The following PAX7 variants were observed in gnomAD, a reference collection of about 807,000 sequenced individuals.
PAX7 encodes paired box 7.
A neutral mutation model predicts 50.7 loss-of-function variants in PAX7; 18 were observed. That is an observed-to-expected ratio of 0.36 (90% confidence interval 0.25 to 0.53). PAX7 has a LOEUF of 0.53. Among genes scored for constraint, PAX7 ranks in the 20% least tolerant of loss-of-function variants. The pLI is 0.93. For synonymous variants in PAX7, 310 were observed against 290.4 expected (o/e 1.07, Z -0.69); for missense variants, 644 against 702.9 (o/e 0.92, Z 0.95).
chr1:18,723,698 G>T (rs184375328), intron 7 of PAX7, among the ~76,000 whole-genome samples: 1 of 152,344 alleles, frequency 6.6e-6, no homozygotes, highest in East Asian at 1.9e-4. Flanking sequence ...AAGGCTGGGA[G>T]GTTTCATTGC....
intron 4 of PAX7, among the ~76,000 whole-genome samples, chr1:18,640,008 G>A (rs2088226452): frequency 6.6e-6 from 1 of 151,602 alleles, no homozygotes; most frequent in African/African-American, 2.4e-5. Flanking sequence ...GGAAATCCTG[G>A]GGGTGTCAAA....
intron 7 of PAX7, among the ~76,000 whole-genome samples, chr1:18,715,904 TCC>T (rs1326676376): frequency 6.6e-6 from 1 of 152,040 alleles, no homozygotes; most frequent in African/African-American, 2.4e-5. Context: ...GAATTCATGT[TCC>T]CTCAACACCT....
intron 4 of PAX7, among the ~76,000 whole-genome samples, chr1:18,667,505 C>T (rs1458356466): frequency 6.6e-6 from 1 of 151,902 alleles, no homozygotes; most frequent in Non-Finnish European, 1.5e-5. Flanking sequence ...CGGATCTTTC[C>T]CCAAGAAGCC....
chr1:18,656,208 G>A (rs1446834469), intron 4 of PAX7, among the ~76,000 whole-genome samples: 3 of 152,146 alleles, frequency 2.0e-5, no homozygotes, highest in African/African-American at 7.2e-5. Flanking sequence ...AATGTAAGAG[G>A]CAAGTCCGGG....
intron 7 of PAX7, among the ~76,000 whole-genome samples, chr1:18,730,190 A>G (rs2100393363): frequency 6.6e-6 from 1 of 152,300 alleles, no homozygotes; most frequent in South Asian, 2.1e-4. Flanking sequence ...AGGTAGCTAC[A>G]ATTATCATCA....
In PAX7 at chr1:18,631,012, TG is replaced by T. The variant is rs2088031086; in HGVS notation, c.-590del. 1 of 224,826 alleles carries T rather than the reference TG, an allele frequency of 4.4e-6. No homozygotes were observed. Among genetic ancestry groups the T allele is most frequent in the Non-Finnish European group, 8.9e-6 (1 of 112,754 alleles). 13.9% of individuals were successfully genotyped at this position (224,826 alleles called of 1,614,324 possible). A position where few individuals can be genotyped will look rare whatever the true frequency, so the allele number is the denominator to read the frequency against. On this transcript the variant is annotated 5_prime_UTR_variant, in exon 1 of 9. Transcript: ENST00000420770. Reference sequence around the variant, plus strand: ...TCCTAGGGGACGGGGCTGTGAAAGCTGGTGTGGAGGGAGAAGCGAGTGTGGT... The same window carrying T: ...TCCTAGGGGACGGGGCTGTGAAAGCTGTGTGGAGGGAGAAGCGAGTGTGGT...
chr1:18,675,010 C>T (rs1435212415), intron 4 of PAX7, among the ~76,000 whole-genome samples: 1 of 152,144 alleles, frequency 6.6e-6, no homozygotes, highest in East Asian at 1.9e-4. Flanking sequence ...AGGTGGCTTG[C>T]TTTGCTTAAA....
Position 18,735,617 on chromosome 1 carries a change from G to C in PAX7, c.1156-15G>C. On this transcript the variant is annotated splice_polypyrimidine_tract_variant and intron_variant, in intron 7 of 8. Transcript: ENST00000420770. The surrounding 1 kb of genome is among the most constrained non-coding windows in gnomAD (Gnocchi z 4.0). ...CTGTCCGGTGAGCCTGGCACTAATG[G>C]CCTTTTCCCCACAGGTGATGAGCAT... is the stretch of plus-strand genomic sequence containing the variant. 1.2e-6 allele frequency: 2 copies of C among 1,604,212 alleles called. No individual in the cohort carries two copies. Among genetic ancestry groups the C allele is most frequent in the South Asian group, 2.2e-5 (2 of 90,024 alleles).
intron 4 of PAX7, among the ~76,000 whole-genome samples, chr1:18,654,639 A>C (rs968348773): frequency 1.3e-5 from 2 of 152,198 alleles, no homozygotes; most frequent in African/African-American, 4.8e-5. Flanking sequence ...AGCTTGTACA[A>C]ATTTGCCAGG....
chr1:18,714,040 G>A (rs1051635683), intron 7 of PAX7, among the ~76,000 whole-genome samples: 6 of 152,008 alleles, frequency 3.9e-5, no homozygotes, highest in African/African-American at 9.6e-5. Context: ...GTGAAACCCC[G>A]TCTCTACTAA....
At chr1:18,662,879 T>C (rs1020295100) in intron 4 of PAX7, among the ~76,000 whole-genome samples, 6 of 151,624 alleles carry the variant, frequency 4.0e-5, no homozygotes, top group African/African-American at 1.5e-4. Flanking sequence ...AGCCTGTAAG[T>C]TCTTTATATT....
At chr1:18,663,552 T>A (rs1441814677) in intron 4 of PAX7, among the ~76,000 whole-genome samples, 1 of 152,166 alleles carries the variant, frequency 6.6e-6, no homozygotes, top group Non-Finnish European at 1.5e-5. Flanking sequence ...CCAGCTAATT[T>A]TTATATTTTC....
At position 18,632,675 on chromosome 1, in the gene PAX7, G is replaced by C. The variant is rs1028692204; in HGVS notation, c.85+987G>C. On this transcript the variant is annotated intron_variant, in intron 1 of 8. Coordinates refer to ENST00000420770, the MANE Select transcript of PAX7 (RefSeq NM_001135254.2). The surrounding 1 kb of genome is among the most constrained non-coding windows in gnomAD (Gnocchi z 6.3). ...TTTTTAAATTACTCTTCCTGTGATC[G>C]TTTGAGTCCCTGGCGCGTGAGGAAG... is the stretch of plus-strand genomic sequence containing the variant. Among the ~76,000 whole-genome samples, 1 of 126,056 alleles carries C rather than the reference G, an allele frequency of 7.9e-6. No individual in the cohort carries two copies. Among genetic ancestry groups the C allele is most frequent in the African/African-American group, 2.9e-5 (1 of 34,006 alleles). The allele number at this position is 126,056 out of a possible 152,430, so 82.7% of individuals were successfully genotyped here.
Position 18,634,849 on chromosome 1 carries a change from G to A in PAX7, c.322-262G>A, listed in dbSNP as rs1015887828. Reference sequence around the variant, plus strand: ...TCTCAGTCTTTCCTGAGATAATGACGGGGACCCTGGGGGTCCTAATTAGAG... The same window carrying A: ...TCTCAGTCTTTCCTGAGATAATGACAGGGACCCTGGGGGTCCTAATTAGAG... On this transcript the variant is annotated intron_variant, in intron 2 of 8. Coordinates refer to ENST00000420770, the MANE Select transcript of PAX7 (RefSeq NM_001135254.2). This position sits in a 1 kb window ranked among gnomAD's most constrained non-coding sequence, Gnocchi z 4.0. Among the ~76,000 whole-genome samples, 4 of 152,114 alleles carry A rather than the reference G, an allele frequency of 2.6e-5. No individual in the cohort carries two copies. Among genetic ancestry groups the A allele is most frequent in the Admixed American group, 1.3e-4 (2 of 15,270 alleles).
At chr1:18,722,829 G>A (rs934933924) in intron 7 of PAX7, among the ~76,000 whole-genome samples, 1 of 152,082 alleles carries the variant, frequency 6.6e-6, no homozygotes, top group African/African-American at 2.4e-5. Flanking sequence ...GGTATACCGG[G>A]GCTCATTTTG....
chr1:18,735,690 C>T lies in PAX7; in HGVS notation c.1214C>T (p.Ser405Phe). The T allele has an allele frequency of 1.2e-6, 2 of 1,614,170 alleles. No homozygotes were observed. Among genetic ancestry groups the T allele is most frequent in the Non-Finnish European group, 1.7e-6 (2 of 1,180,024 alleles). The part of the protein sequence containing the change: ...AVPPQPQADF[S>F]ISPLHGGLDS... ...CCCCCGCAGCCACAGGCTGACTTCT[C>T]CATCTCCCCGCTGCATGGCGGCCTG... Residue 405 changes from serine (S) to phenylalanine (F), a missense_variant, in exon 8 of 9, where the codon TCC (serine) becomes TTC (phenylalanine). Transcript: ENST00000420770. This position sits in a 1 kb window ranked among gnomAD's most constrained non-coding sequence, Gnocchi z 4.0.
At chr1:18,686,203 C>T (rs897802792) in intron 4 of PAX7, among the ~76,000 whole-genome samples, 3 of 152,206 alleles carry the variant, frequency 2.0e-5, no homozygotes, top group Non-Finnish European at 4.4e-5. Flanking sequence ...AAAACAGAGG[C>T]TGTTTCTCCC....
At chr1:18,658,171 T>A (rs1353010778) in intron 4 of PAX7, among the ~76,000 whole-genome samples, 1 of 152,154 alleles carries the variant, frequency 6.6e-6, no homozygotes, top group Non-Finnish European at 1.5e-5. Context: ...GTCGGTTTTG[T>A]GTGGGTTTTT....
At chr1:18,707,411 CTTTCTTTTTTTT>C (rs1332202241) in intron 7 of PAX7, among the ~76,000 whole-genome samples, 1 of 91,218 alleles carries the variant, frequency 1.1e-5, no homozygotes, top group Non-Finnish European at 2.1e-5. Context: ...TTCTTTTTTT[CTTTCTTTTTTTT>C]TTTTTTTTTT....
Sources: gnomAD v4.1 joint callset for allele counts (sites outside exome capture counted in the v4.1 genomes callset) on GRCh38, gnomAD v4.1.1 for gene constraint, Gnocchi (gnomAD v3.1) non-coding constraint, MANE v1.5 for transcripts, NCBI Gene and HGNC (gene_info 2026-07-23, HGNC 2026-07-21) for gene names.